CD80: variants seen among roughly 807,000 people sequenced by gnomAD.
CD80 encodes the protein CD80 molecule, also known as T-lymphocyte activation antigen CD80.
Under a neutral mutation model 27.1 loss-of-function variants are expected in CD80, and 13 were observed. The observed-to-expected ratio is 0.48, with a 90% CI of 0.31 to 0.76. The LOEUF (loss-of-function observed/expected upper bound fraction) is 0.76, where lower values mean the gene tolerates loss of function less well. CD80 is among the 30% of genes least tolerant of loss of function. The pLI is 0.04. For missense variants in CD80, 277 were observed against 347.9 expected, an observed-to-expected ratio of 0.80 and a Z score of 1.62; for synonymous variants, 125 against 125.5, an observed-to-expected ratio of 1.00 and a Z score of 0.03.
At chr3:119,542,151 G>A (rs2082173080) in intron 3 of CD80, among the ~76,000 whole-genome samples, 1 of 144,474 alleles carries the variant, frequency 6.9e-6, no homozygotes, top group Admixed American at 7.4e-5. Context: ...CTATGATGAT[G>A]AGAATTTCAG....
chr3:119,528,797 G>A lies in CD80; in HGVS notation c.797-956C>T, dbSNP rs1003505370. 5.3e-5 allele frequency among the ~76,000 whole-genome samples: 8 copies of A among 151,708 alleles called. No individual in the cohort carries two copies. The South Asian group carries it at 6.3e-4, about 12-fold the overall frequency. ...AAAAATTAGTCAGGCGTGGCAGCAC[G>A]CACCTGTAGTCCCAGCTACTCAGGA... is the stretch of plus-strand genomic sequence containing the variant. On this transcript the variant is annotated intron_variant, in intron 5 of 6. Coordinates refer to ENST00000264246, the MANE Select transcript of CD80 (RefSeq NM_005191.4).
intron 3 of CD80, among the ~76,000 whole-genome samples, chr3:119,542,051 G>A (rs1018112913): frequency 2.8e-5 from 4 of 143,918 alleles, no homozygotes; most frequent in Non-Finnish European, 6.1e-5. Flanking sequence ...ATATATTTGT[G>A]GTGCCACCCC....
intron 3 of CD80, among the ~76,000 whole-genome samples, chr3:119,542,452 G>T (rs2082175170): frequency 6.6e-6 from 1 of 152,076 alleles, no homozygotes; most frequent in South Asian, 2.1e-4. Flanking sequence ...TAAGAAGTTT[G>T]GTTTTCACTA....
At chr3:119,553,082 T>G (rs1391877734) in intron 2 of CD80, among the ~76,000 whole-genome samples, 1 of 151,018 alleles carries the variant, frequency 6.6e-6, no homozygotes, top group Non-Finnish European at 1.5e-5. Flanking sequence ...GCAAATATAC[T>G]AAAACCCACT....
At chr3:119,529,337 C>G (rs540067997) in intron 5 of CD80, among the ~76,000 whole-genome samples, 1 of 152,232 alleles carries the variant, frequency 6.6e-6, no homozygotes, top group South Asian at 2.1e-4. Context: ...GAAAATGATT[C>G]TTGGCACCAA....
At chr3:119,543,290 G>A (rs1421700228) in intron 3 of CD80, among the ~76,000 whole-genome samples, 10 of 152,234 alleles carry the variant, frequency 6.6e-5, no homozygotes, top group South Asian at 2.1e-4. Flanking sequence ...CTTTCTTTCC[G>A]AGACCAGAAA....
intron 3 of CD80, among the ~76,000 whole-genome samples, chr3:119,538,877 C>T (rs1159540901): frequency 6.6e-6 from 1 of 152,092 alleles, no homozygotes; most frequent in Non-Finnish European, 1.5e-5. Flanking sequence ...GCATTGTGTG[C>T]GTGTGAGTGG....
chr3:119,529,933 C>T lies in CD80; in HGVS notation c.705G>A (p.Lys235=), dbSNP rs942830560. ...GCAGGTTATCAGGAAAATGCTCTTG[C>T]TTGGCTATGGAGGGAAAAGAATAAT... The part of the protein sequence containing the change: ...VNQTFNWNTT[K]QEHFPDNLLP... Residue 235 remains lysine (K), a synonymous_variant, in exon 5 of 7, where the codon AAG becomes AAA. Coordinates refer to ENST00000264246, the MANE Select transcript of CD80 (RefSeq NM_005191.4). 10 of 1,609,426 alleles carry T rather than the reference C, an allele frequency of 6.2e-6. No homozygotes were observed. The highest frequency in any genetic ancestry group is 8.5e-6 in the Non-Finnish European group (10 of 1,175,892).
intron 6 of CD80, 130 bp downstream of exon 6, chr3:119,527,603 C>T: frequency 1.8e-6 from 1 of 548,356 alleles, no homozygotes; most frequent in South Asian, 3.0e-5. Context: ...CATCTTGTAA[C>T]TGTTCAGCTT....
At chr3:119,538,828 C>A (rs1446376793) in intron 3 of CD80, among the ~76,000 whole-genome samples, 1 of 152,134 alleles carries the variant, frequency 6.6e-6, no homozygotes, top group Non-Finnish European at 1.5e-5. Flanking sequence ...AAGGAAAATG[C>A]TGCCTAATTT....
intron 2 of CD80, among the ~76,000 whole-genome samples, chr3:119,550,876 C>T (rs150010903): frequency 1.3e-5 from 2 of 152,306 alleles, no homozygotes; most frequent in Admixed American, 6.5e-5. Flanking sequence ...CATCTACTCT[C>T]GTGGCCCCTT....
intron 2 of CD80, 73 bp downstream of exon 2, chr3:119,557,556 G>T: frequency 9.9e-7 from 1 of 1,013,784 alleles, no homozygotes; most frequent in Non-Finnish European, 1.5e-6. Context: ...GAAGGGAGCA[G>T]CTCAGAGAAC....
chr3:119,558,073 A>T (rs2082273813), intron 1 of CD80, 145 bp from the exon 2 acceptor site: 1 of 168,686 alleles, frequency 5.9e-6, no homozygotes, highest in Non-Finnish European at 1.3e-5. Context: ...GGAAAAGCGA[A>T]TGGAAATTCT....
rs1367384832 is a variant in CD80, at chr3:119,559,591, C to T, written c.-352G>A. The T allele has an allele frequency of 6.6e-6, 1 of 152,224 alleles. No homozygotes were observed. The highest frequency in any genetic ancestry group is 1.9e-4 in the East Asian group (1 of 5,202). 9.4% of individuals were successfully genotyped at this position (152,224 alleles called of 1,614,324 possible). On this transcript the variant is annotated 5_prime_UTR_variant, in exon 1 of 7. Coordinates refer to ENST00000264246, the MANE Select transcript of CD80 (RefSeq NM_005191.4). ...AGAGAGGCGACATTTCCCCTTCTAA[C>T]TTCTGTTACTTTACAGAGGGTTTGA...
chr3:119,543,842 T>C (rs2082184841), intron 3 of CD80, among the ~76,000 whole-genome samples: 1 of 151,688 alleles, frequency 6.6e-6, no homozygotes, highest in Non-Finnish European at 1.5e-5. Context: ...GCCATAGTAA[T>C]AGACGTTCAC....
At chr3:119,527,597 T>C in intron 6 of CD80, 136 bp downstream of exon 6, 1 of 541,724 alleles carries the variant, frequency 1.8e-6, no homozygotes, top group Admixed American at 3.2e-5. Flanking sequence ...GCCAGCCATC[T>C]TGTAACTGTT....
intron 2 of CD80, among the ~76,000 whole-genome samples, chr3:119,546,815 A>AGCAC (rs2082204965): frequency 6.7e-6 from 1 of 149,370 alleles, no homozygotes; most frequent in African/African-American, 2.5e-5. Context: ...GTGATGCAAC[A>AGCAC]ACACACACAC....
chr3:119,544,573 G>T lies in CD80; in HGVS notation c.395C>A (p.Ala132Asp). ...ACCTTTGACTGATAACGTCACTTCA[G>T]CCAGGTGTTCCCGCTTGAAAGCGTC... Reference protein sequence around the residue: ...EKDAFKREHLAEVTLSVKADF... With the variant: ...EKDAFKREHLDEVTLSVKADF... Residue 132 changes from alanine to aspartate, a missense_variant, in exon 3 of 7, where the codon GCT (alanine) becomes GAT (aspartate). Coordinates refer to ENST00000264246, the MANE Select transcript of CD80 (RefSeq NM_005191.4). 1 of 1,613,970 alleles carries T rather than the reference G, an allele frequency of 6.2e-7. No homozygotes were observed. Among genetic ancestry groups the T allele is most frequent in the Non-Finnish European group, 8.5e-7 (1 of 1,179,856 alleles).
intron 2 of CD80, among the ~76,000 whole-genome samples, chr3:119,553,618 G>A (rs909487695): frequency 1.3e-5 from 2 of 152,178 alleles, no homozygotes; most frequent in Non-Finnish European, 2.9e-5. Context: ...CTCAGCAGCC[G>A]TTAGAGAGGC....
Sources: gnomAD v4.1 joint callset for allele counts (sites outside exome capture counted in the v4.1 genomes callset) on GRCh38, gnomAD v4.1.1 for gene constraint, MANE v1.5 for transcripts, NCBI Gene and HGNC (gene_info 2026-07-23, HGNC 2026-07-21) for gene names.